NRXN2: variants seen among roughly 807,000 people sequenced by gnomAD.
The protein encoded by NRXN2 is neurexin 2.
Under a neutral mutation model 128.8 loss-of-function variants are expected in NRXN2, and 29 were observed. The ratio of observed to expected loss-of-function variants is 0.23; its 90% CI spans 0.17 to 0.31. The LOEUF (loss-of-function observed/expected upper bound fraction) is 0.31. Among genes scored for constraint, NRXN2 ranks in the 10% least tolerant of loss-of-function variants. The probability of loss-of-function intolerance (pLI) is 1.00; values close to 1 mark genes in which losing one functional copy is unlikely to be tolerated. For missense variants in NRXN2, 1,881 were observed against 2,452.6 expected (o/e 0.77, Z 4.92); for synonymous variants, 1,098 against 1,075.2 (o/e 1.02, Z -0.41).
Position 64,607,250 on chromosome 11 carries a change from G to A in NRXN2, c.5085C>T (p.Ala1695=). The A allele has an allele frequency of 2.5e-6, 4 of 1,614,004 alleles. No homozygotes were observed. The highest frequency in any genetic ancestry group is 3.4e-6 in the Non-Finnish European group (4 of 1,179,974). The part of the protein sequence containing the change: ...GAVVKEKAPA[A]PKTPSKAKKN... ...TCTTGGCCTTGCTGGGCGTCTTGGG[G>A]GCAGCCGGGGCCTTCTCTTTCACCA... The change falls in exon 23 of 23, where the codon GCC becomes GCT. Residue 1695 remains alanine (A), a synonymous_variant. Coordinates refer to ENST00000265459, the MANE Select transcript of NRXN2 (RefSeq NM_015080.4).
At position 64,683,743 on chromosome 11, in the gene NRXN2, T is replaced by C. The variant is rs139436165; in HGVS notation, c.1152+1903A>G. 9.5e-3 allele frequency among the ~76,000 whole-genome samples: 1,443 copies of C among 152,318 alleles called. 12 individuals carry two copies. The highest frequency in any genetic ancestry group is 0.015 in the Non-Finnish European group (1,012 of 68,022). On this transcript the variant is annotated intron_variant, in intron 6 of 22. Transcript: ENST00000265459. The stretch of plus-strand genomic sequence containing the variant: ...CTCAGGACCTGCTTTAGGGTCAATA[T>C]GACCTGCCTCTCTGCTCTGAGACTT...
In NRXN2 at chr11:64,713,226, G is replaced by A. The variant is rs1289597932; in HGVS notation, c.474C>T (p.Asp158=). The A allele has an allele frequency of 6.8e-7, 1 of 1,464,932 alleles. No individual in the cohort carries two copies. Among genetic ancestry groups the A allele is most frequent in the Non-Finnish European group, 9.0e-7 (1 of 1,112,090 alleles). 90.7% of individuals were successfully genotyped at this position (1,464,932 alleles called of 1,614,324 possible). A position where few individuals can be genotyped will look rare whatever the true frequency, so the allele number is the denominator to read the frequency against. Residue 158 remains aspartate (D), a synonymous_variant, in exon 2 of 23, where the codon GAC becomes GAT. Coordinates refer to ENST00000265459, the MANE Select transcript of NRXN2 (RefSeq NM_015080.4). ...TCAGCGTAAGCGCCGAGAGGCGCACGTCGGGCGGGATGCCGCCCACGAACA... is the reference window on the plus strand; with the variant it reads ...TCAGCGTAAGCGCCGAGAGGCGCACATCGGGCGGGATGCCGCCCACGAACA... ...SDLFVGGIPP[D]VRLSALTLST...
At chr11:64,663,513 A>C (rs1186434981) in intron 9 of NRXN2, among the ~76,000 whole-genome samples, 1 of 151,708 alleles carries the variant, frequency 6.6e-6, no homozygotes, top group East Asian at 1.9e-4. Context: ...CTGGGGGCCC[A>C]CTCCCCTAAC....
chr11:64,687,634 C>T (rs569361625), intron 5 of NRXN2, among the ~76,000 whole-genome samples: 6 of 151,976 alleles, frequency 3.9e-5, no homozygotes, highest in African/African-American at 1.4e-4. Flanking sequence ...GAGGGTAAGG[C>T]GGGGAAGAGT....
intron 20 of NRXN2, 34 bp downstream of exon 20, chr11:64,626,429 T>A: frequency 6.9e-7 from 1 of 1,447,272 alleles, no homozygotes; most frequent in Non-Finnish European, 9.7e-7. Flanking sequence ...GTTTTTAAAG[T>A]TAATTAATTA....
At chr11:64,719,508 C>G (rs977434361) in intron 1 of NRXN2, among the ~76,000 whole-genome samples, 1 of 152,184 alleles carries the variant, frequency 6.6e-6, no homozygotes, top group African/African-American at 2.4e-5. Context: ...AAGCAGCTCT[C>G]TGTGTCATGG....
chr11:64,658,408 G>T (rs1183208241), intron 11 of NRXN2, among the ~76,000 whole-genome samples: 1 of 152,182 alleles, frequency 6.6e-6, no homozygotes, highest in East Asian at 1.9e-4. Context: ...GCATTGACTA[G>T]AGTGTCTCCC....
At chr11:64,696,016 A>T (rs1159308711) in intron 3 of NRXN2, among the ~76,000 whole-genome samples, 1 of 143,028 alleles carries the variant, frequency 7.0e-6, no homozygotes, top group Non-Finnish European at 1.5e-5. Context: ...CCCACCCCCT[A>T]CAGCTTGAGG....
At chr11:64,705,934 C>A (rs1281450925) in intron 2 of NRXN2, among the ~76,000 whole-genome samples, 2 of 146,430 alleles carry the variant, frequency 1.4e-5, no homozygotes, top group African/African-American at 5.1e-5. Context: ...CCCTTCCTTG[C>A]CACTCCCCAA....
At chr11:64,698,431 CTG>C (rs1216414164) in intron 2 of NRXN2, among the ~76,000 whole-genome samples, 2 of 152,218 alleles carry the variant, frequency 1.3e-5, no homozygotes, top group Admixed American at 1.3e-4. Flanking sequence ...CCACACAGCA[CTG>C]TGTGACTTTC....
chr11:64,722,893 T>C (rs1473798214), intron 1 of NRXN2, 78 bp downstream of exon 1: 9 of 8,958 alleles, frequency 1.0e-3, no homozygotes, highest in Admixed American at 1.4e-3. Context: ...CCTCGCCCCC[T>C]CCGATCCGCT....
intron 2 of NRXN2, among the ~76,000 whole-genome samples, chr11:64,708,835 T>C (rs909617480): frequency 6.6e-6 from 1 of 152,184 alleles, no homozygotes; most frequent in African/African-American, 2.4e-5. Flanking sequence ...TCATTTATAC[T>C]CACACTAAAC....
Position 64,623,096 on chromosome 11 carries a change from G to C in NRXN2, c.3848-18C>G, listed in dbSNP as rs1392904590. 1 of 1,587,456 alleles carries C rather than the reference G, an allele frequency of 6.3e-7. No homozygotes were observed. Among genetic ancestry groups the C allele is most frequent in the East Asian group, 2.3e-5 (1 of 44,056 alleles). On this transcript the variant is annotated intron_variant, in intron 20 of 22. Coordinates refer to ENST00000265459, the MANE Select transcript of NRXN2 (RefSeq NM_015080.4). The surrounding 1 kb of genome is among the most constrained non-coding windows in gnomAD (Gnocchi z 4.9). ...CTGGCGGCCTTGCAGGAGTGGAAGG[G>C]GGTGACAGAGAAGGGGCAGGCAGTG...
intron 17 of NRXN2, among the ~76,000 whole-genome samples, chr11:64,637,231 G>T (rs909134742): frequency 6.6e-6 from 1 of 152,162 alleles, no homozygotes; most frequent in Non-Finnish European, 1.5e-5. Flanking sequence ...ACCACCCCCA[G>T]CAGACAGAGG....
rs534518006 is a variant in NRXN2 at position 64,680,561 on chromosome 11, C to T, written c.1153-3524G>A. ...ACTCTACCACTTCCTAACTGGATAACCTTGAGCAAGTTCTTTAACCTTCTG... is the reference window on the plus strand; with the variant it reads ...ACTCTACCACTTCCTAACTGGATAATCTTGAGCAAGTTCTTTAACCTTCTG... On this transcript the variant is annotated intron_variant, in intron 6 of 22. Coordinates refer to ENST00000265459, the MANE Select transcript of NRXN2 (RefSeq NM_015080.4). 1.3e-4 allele frequency among the ~76,000 whole-genome samples: 20 copies of T among 152,304 alleles called. No individual in the cohort carries two copies. The South Asian group carries it at 4.1e-3, about 32-fold the overall frequency.
At position 64,607,864 on chromosome 11, in the gene NRXN2, C is replaced by G; in HGVS notation, c.4471G>C (p.Glu1491Gln). 6.3e-7 allele frequency: 1 copy of G among 1,592,902 alleles called. No homozygotes were observed. Among genetic ancestry groups the G allele is most frequent in the Non-Finnish European group, 8.5e-7 (1 of 1,170,488 alleles). Residue 1491 changes from glutamate to glutamine, a missense_variant, in exon 23 of 23, where the codon GAG becomes CAG. This residue lies in a region of NRXN2 where 310 missense variants were observed against 318.2 expected (regional missense o/e 0.97). Coordinates refer to ENST00000265459, the MANE Select transcript of NRXN2 (RefSeq NM_015080.4). Reference sequence around the variant, plus strand: ...TCCCCGGAGGCGAAGCCCGAGGCCTCGATGGGCTCCTCGCAGTCGCTGTCG... The same window carrying G: ...TCCCCGGAGGCGAAGCCCGAGGCCTGGATGGGCTCCTCGCAGTCGCTGTCG... Reference protein sequence around the residue: ...RDDSDCEEPIEASGFASGEVF... With the variant: ...RDDSDCEEPIQASGFASGEVF...
At chr11:64,694,794 C>G (rs969861758) in intron 3 of NRXN2, among the ~76,000 whole-genome samples, 4 of 152,184 alleles carry the variant, frequency 2.6e-5, no homozygotes, top group African/African-American at 9.7e-5. Flanking sequence ...ATCCGACTCT[C>G]CCGGTCAGAA....
chr11:64,695,653 C>T (rs969392737), intron 3 of NRXN2, among the ~76,000 whole-genome samples: 1 of 152,070 alleles, frequency 6.6e-6, no homozygotes, highest in Non-Finnish European at 1.5e-5. Flanking sequence ...AATTAAGAGA[C>T]ACACAAGCAG....
In NRXN2 at chr11:64,622,783, G is replaced by A; in HGVS notation, c.4143C>T (p.Arg1381=). Residue 1381 remains arginine, a synonymous_variant, in exon 21 of 23, where the codon CGC becomes CGT. Coordinates refer to ENST00000265459, the MANE Select transcript of NRXN2 (RefSeq NM_015080.4). This position sits in a 1 kb window ranked among gnomAD's most constrained non-coding sequence, Gnocchi z 4.3. The part of the protein sequence containing the change: ...TMATTTTRRG[R]SPTLRDSTTQ... Reference sequence around the variant, plus strand: ...TGGTGCTGTCCCTCAGTGTGGGGGAGCGGCCCCGGCGCGTGGTGGTAGTGG... The same window carrying A: ...TGGTGCTGTCCCTCAGTGTGGGGGAACGGCCCCGGCGCGTGGTGGTAGTGG... 6.2e-7 allele frequency: 1 copy of A among 1,611,276 alleles called. No individual in the cohort carries two copies. The highest frequency in any genetic ancestry group is 2.2e-5 in the East Asian group (1 of 44,846).
Sources: allele counts gnomAD v4.1 joint callset (sites outside exome capture counted in the v4.1 genomes callset), GRCh38; gene constraint gnomAD v4.1.1; regional missense constraint gnomAD v4.1.1; non-coding constraint Gnocchi (gnomAD v3.1); transcripts MANE v1.5; gene names NCBI Gene and HGNC (gene_info 2026-07-23, HGNC 2026-07-21).